The following PCDH9 variants were observed in gnomAD, a reference collection of about 807,000 sequenced individuals.
PCDH9 encodes protocadherin-9.
PCDH9 carries 24 observed loss-of-function variants against 70.6 expected under a neutral mutation model. The observed-to-expected ratio is 0.34, with a 90% CI of 0.25 to 0.48. PCDH9 has a LOEUF of 0.48. PCDH9 is among the 20% of genes least tolerant of loss of function. PCDH9 has a pLI of 0.99. For missense variants in PCDH9, 1,281 were observed against 1,503.6 expected (o/e 0.85, Z 2.45); for synonymous variants, 562 against 558.5 (o/e 1.01, Z -0.09).
At chr13:66,712,831 T>C (rs1593936407) in intron 3 of PCDH9, among the ~76,000 whole-genome samples, 1 of 152,190 alleles carries the variant, frequency 6.6e-6, no homozygotes, top group Non-Finnish European at 1.5e-5. Flanking sequence ...ATATATTATA[T>C]TAAATGTATG....
chr13:67,070,184 T>C (rs2085733451), intron 2 of PCDH9, among the ~76,000 whole-genome samples: 1 of 152,008 alleles, frequency 6.6e-6, no homozygotes, highest in Non-Finnish European at 1.5e-5. Context: ...CTTGTTTTAT[T>C]GTGGACTAAA....
chr13:66,458,501 C>T (rs1327995226), intron 4 of PCDH9, among the ~76,000 whole-genome samples: 2 of 151,968 alleles, frequency 1.3e-5, no homozygotes, highest in African/African-American at 2.4e-5. Flanking sequence ...TTTCTGTTTT[C>T]TACATTTTGC....
chr13:66,552,601 T>C (rs1190248761), intron 4 of PCDH9, among the ~76,000 whole-genome samples: 1 of 152,142 alleles, frequency 6.6e-6, no homozygotes, highest in Non-Finnish European at 1.5e-5. Flanking sequence ...TCCATAAACT[T>C]ACACTGAGAA....
In PCDH9 at chr13:66,341,411, G is replaced by A. The variant is rs911800727; in HGVS notation, c.3341-36383C>T. ...GCCTGGCCAACTTGCTTTAAAAGAAGATACTTGCTTTTAAATGCTGCTCTA... is the reference window on the plus strand; with the variant it reads ...GCCTGGCCAACTTGCTTTAAAAGAAAATACTTGCTTTTAAATGCTGCTCTA... On this transcript the variant is annotated intron_variant, in intron 4 of 4. Transcript: ENST00000377865. Among the ~76,000 whole-genome samples the A allele has an allele frequency of 2.6e-4, 39 of 152,098 alleles. 2 individuals are homozygous for A. Among genetic ancestry groups the A allele is most frequent in the African/African-American group, 9.2e-4 (38 of 41,422 alleles).
intron 3 of PCDH9, among the ~76,000 whole-genome samples, chr13:66,692,699 G>T (rs1231344039): frequency 6.6e-6 from 1 of 151,742 alleles, no homozygotes; most frequent in Non-Finnish European, 1.5e-5. Context: ...AAATATTGTA[G>T]GTATTACAAT....
chr13:66,517,533 T>G (rs1482962292), intron 4 of PCDH9, among the ~76,000 whole-genome samples: 6 of 152,180 alleles, frequency 3.9e-5, no homozygotes, highest in Non-Finnish European at 8.8e-5. Flanking sequence ...CAATATCCAC[T>G]GTGTTCTTCA....
At position 66,929,759 on chromosome 13, in the gene PCDH9, A is replaced by C. The variant is rs116290017; in HGVS notation, c.3037-26154T>G. ...CTGCATTGCATATTTTAAAAATCTT[A>C]TCTAGCCTTCACAATAAGGAAAATG... On this transcript the variant is annotated intron_variant, in intron 2 of 4. Transcript: ENST00000377865. 9.0e-3 allele frequency among the ~76,000 whole-genome samples: 1,378 copies of C among 152,336 alleles called. 18 individuals carry two copies. Among genetic ancestry groups the C allele is most frequent in the African/African-American group, 0.031 (1,306 of 41,576 alleles).
At chr13:66,725,164 C>G (rs2078989933) in intron 3 of PCDH9, among the ~76,000 whole-genome samples, 1 of 152,194 alleles carries the variant, frequency 6.6e-6, no homozygotes, top group Admixed American at 6.5e-5. Context: ...GTCGATTTCT[C>G]TCATTCTCAC....
intron 3 of PCDH9, among the ~76,000 whole-genome samples, chr13:66,713,625 G>GTGTATATATATATATATATATATA (rs1379996611): frequency 4.5e-5 from 5 of 110,010 alleles, no homozygotes; most frequent in African/African-American, 1.5e-4. Flanking sequence ...GTGTGTGTGT[G>GTGTATATATATATATATATATATA]TATATATATA....
intron 3 of PCDH9, among the ~76,000 whole-genome samples, chr13:66,790,855 T>G (rs767548881): frequency 6.6e-6 from 1 of 152,150 alleles, no homozygotes; most frequent in Non-Finnish European, 1.5e-5. Flanking sequence ...TGTAGAAGAC[T>G]AATCACCTAT....
intron 3 of PCDH9, among the ~76,000 whole-genome samples, chr13:66,902,418 T>C (rs1296821900): frequency 6.6e-6 from 1 of 151,684 alleles, no homozygotes; most frequent in Non-Finnish European, 1.5e-5. Context: ...TTCTTCAATA[T>C]ACATTACCAG....
At chr13:66,427,805 A>G (rs923448024) in intron 4 of PCDH9, among the ~76,000 whole-genome samples, 3 of 151,716 alleles carry the variant, frequency 2.0e-5, no homozygotes, top group African/African-American at 7.2e-5. Flanking sequence ...ACTTATTCAC[A>G]GTAAGCTGTC....
chr13:66,435,242 C>A (rs1423964670), intron 4 of PCDH9, among the ~76,000 whole-genome samples: 1 of 152,076 alleles, frequency 6.6e-6, no homozygotes, highest in African/African-American at 2.4e-5. Context: ...TTGACAAGCA[C>A]TGTGTCTATA....
At chr13:66,868,354 C>T (rs1258592880) in intron 3 of PCDH9, among the ~76,000 whole-genome samples, 1 of 151,972 alleles carries the variant, frequency 6.6e-6, no homozygotes, top group Non-Finnish European at 1.5e-5. Context: ...TTCAAGTCAT[C>T]ATCAAATTTT....
At chr13:66,411,613 G>C (rs1957370261) in intron 4 of PCDH9, among the ~76,000 whole-genome samples, 1 of 151,458 alleles carries the variant, frequency 6.6e-6, no homozygotes, top group Non-Finnish European at 1.5e-5. Flanking sequence ...GTTTAAATTT[G>C]ATCACTGAAG....
chr13:66,543,555 A>T (rs967739546), intron 4 of PCDH9, among the ~76,000 whole-genome samples: 2 of 149,370 alleles, frequency 1.3e-5, no homozygotes, highest in African/African-American at 4.9e-5. Context: ...AGACAGAGTG[A>T]GACTCCGTTT....
chr13:66,978,077 T>C (rs983611309), intron 2 of PCDH9, among the ~76,000 whole-genome samples: 2 of 152,210 alleles, frequency 1.3e-5, no homozygotes, highest in Non-Finnish European at 2.9e-5. Flanking sequence ...ATTAGACATA[T>C]AAAAGATTAA....
chr13:67,128,153 T>G (rs1594549221), intron 2 of PCDH9, among the ~76,000 whole-genome samples: 1 of 152,124 alleles, frequency 6.6e-6, no homozygotes, highest in African/African-American at 2.4e-5. Flanking sequence ...CCTTTTAGGA[T>G]GTACCTCGCC....
intron 2 of PCDH9, chr13:67,225,195 G>A: frequency 7.4e-7 from 1 of 1,357,192 alleles, no homozygotes; most frequent in Non-Finnish European, 9.5e-7. Flanking sequence ...AAACTGAAAG[G>A]AGAAAATATT....
Sources: allele counts gnomAD v4.1 joint callset (sites outside exome capture counted in the v4.1 genomes callset), GRCh38; gene constraint gnomAD v4.1.1; transcripts MANE v1.5; gene names NCBI Gene and HGNC (gene_info 2026-07-23, HGNC 2026-07-21).